Variants in MYOCD observed in about 807,000 individuals in gnomAD.
MYOCD encodes myocardin.
MYOCD carries 32 observed loss-of-function variants against 96.1 expected under a neutral mutation model. That is an observed-to-expected ratio of 0.33 (90% CI 0.25 to 0.45). The LOEUF is 0.45. Among genes scored for constraint, MYOCD ranks in the 20% least tolerant of loss-of-function variants. The pLI is 1.00. For synonymous variants in MYOCD, 469 were observed against 469.0 expected (o/e 1.00, Z 0.00); for missense variants, 1,133 against 1,200.6 (o/e 0.94, Z 0.83).
chr17:12,750,587 G>T lies in MYOCD; in HGVS notation c.1126-1827G>T, dbSNP rs377131953. Among the ~76,000 whole-genome samples the T allele has an allele frequency of 3.6e-3, 550 of 152,218 alleles. 4 individuals carry two copies. The highest frequency in any genetic ancestry group is 0.013 in the African/African-American group (521 of 41,532). ...GCCTGTAATCCCAGCTACTCGGGAGGCTGAGGCGGGAGAATTGCTTGAACC... is the reference window on the plus strand; with the variant it reads ...GCCTGTAATCCCAGCTACTCGGGAGTCTGAGGCGGGAGAATTGCTTGAACC... On this transcript the variant is annotated intron_variant, in intron 9 of 13. Coordinates refer to ENST00000425538, the MANE Select transcript of MYOCD (RefSeq NM_001146312.3).
intron 1 of MYOCD, among the ~76,000 whole-genome samples, chr17:12,683,465 GCTCT>G (rs1005928395): frequency 2.0e-5 from 3 of 151,210 alleles, no homozygotes; most frequent in Admixed American, 6.6e-5. Context: ...GTGCGCGCGC[GCTCT>G]CTCTCTCTCC....
chr17:12,698,066 A>T (rs1010822103), intron 1 of MYOCD, among the ~76,000 whole-genome samples: 59 of 152,168 alleles, frequency 3.9e-4, no homozygotes, highest in African/African-American at 1.4e-3. Flanking sequence ...TGTGGGGAAT[A>T]ATGTGCATAT....
rs2150735378 is a variant in MYOCD at position 12,767,782 on chromosome 17, A to C, written c.*4138A>C. On this transcript the variant is annotated 3_prime_UTR_variant, in exon 14 of 14. Transcript: ENST00000425538. The stretch of plus-strand genomic sequence containing the variant: ...TCCCATCATTTAAAACATCCACGAG[A>C]GTTTGAAGATTTGTGTTGATTGCCA... 1 of 152,290 alleles carries C rather than the reference A, an allele frequency of 6.6e-6. No homozygotes were observed. Among genetic ancestry groups the C allele is most frequent in the South Asian group, 2.1e-4 (1 of 4,822 alleles). The allele number at this position is 152,290 out of a possible 1,614,324, so 9.4% of individuals were successfully genotyped here. A position where few individuals can be genotyped will look rare whatever the true frequency, so the allele number is the denominator to read the frequency against.
At chr17:12,689,036 CTTTG>C (rs984132152) in intron 1 of MYOCD, among the ~76,000 whole-genome samples, 4 of 152,122 alleles carry the variant, frequency 2.6e-5, no homozygotes, top group African/African-American at 9.7e-5. Context: ...AAAAAATAAA[CTTTG>C]TTTTCCTATT....
chr17:12,701,205 A>G (rs2031055574), intron 1 of MYOCD, among the ~76,000 whole-genome samples: 1 of 152,086 alleles, frequency 6.6e-6, no homozygotes, highest in Non-Finnish European at 1.5e-5. Context: ...TGAGGTTAGG[A>G]GTTCTAGACC....
intron 10 of MYOCD, 89 bp from the exon 11 acceptor site, chr17:12,756,325 G>A (rs1158592239): frequency 1.4e-6 from 2 of 1,427,716 alleles, no homozygotes; most frequent in Non-Finnish European, 1.9e-6. Flanking sequence ...GACACCAGGG[G>A]ACACAGGGCA....
chr17:12,697,701 T>C (rs2030845888), intron 1 of MYOCD, among the ~76,000 whole-genome samples: 1 of 152,066 alleles, frequency 6.6e-6, no homozygotes, highest in South Asian at 2.1e-4. Context: ...AGGAATCAGG[T>C]GTTTGCTCAG....
rs569139254 is a variant in MYOCD at position 12,715,359 on chromosome 17, G to A, written c.122-160G>A. 2.4e-4 allele frequency among the ~76,000 whole-genome samples: 36 copies of A among 152,146 alleles called. No individual in the cohort carries two copies. The South Asian group carries it at 3.7e-3, about 16-fold the overall frequency. Reference sequence around the variant, plus strand: ...CTCTGTCTCCTACGGCTTCAGGGCCGCTGGTGTCCTCCAGGCCTGTCCTCT... The same window carrying A: ...CTCTGTCTCCTACGGCTTCAGGGCCACTGGTGTCCTCCAGGCCTGTCCTCT... On this transcript the variant is annotated intron_variant, in intron 2 of 13. Transcript: ENST00000425538.
At chr17:12,742,626 A>G (rs945250593) in intron 7 of MYOCD, among the ~76,000 whole-genome samples, 1 of 151,122 alleles carries the variant, frequency 6.6e-6, no homozygotes, top group Non-Finnish European at 1.5e-5. Context: ...GCTGGAGTGT[A>G]GTGGCGCAAT....
chr17:12,700,268 A>G lies in MYOCD; in HGVS notation c.56-4860A>G, dbSNP rs181529262. Among the ~76,000 whole-genome samples, 13 of 152,072 alleles carry G rather than the reference A, an allele frequency of 8.5e-5. No homozygotes were observed. In the East Asian group the frequency reaches 1.2e-3, roughly 14 times the overall value. Reference sequence around the variant, plus strand: ...CAAACTCTTCTAATTCTTTTTGTTCAAAGTGTTTTTAATATTTTCGTCTTT... The same window carrying G: ...CAAACTCTTCTAATTCTTTTTGTTCGAAGTGTTTTTAATATTTTCGTCTTT... On this transcript the variant is annotated intron_variant, in intron 1 of 13. Transcript: ENST00000425538.
chr17:12,735,594 C>A (rs1337325637), intron 5 of MYOCD, among the ~76,000 whole-genome samples: 1 of 152,166 alleles, frequency 6.6e-6, no homozygotes, highest in Non-Finnish European at 1.5e-5. Context: ...CGTTGAATGG[C>A]TCTTTGGGAT....
At chr17:12,720,847 C>T (rs965308187) in intron 4 of MYOCD, among the ~76,000 whole-genome samples, 2 of 151,826 alleles carry the variant, frequency 1.3e-5, no homozygotes, top group East Asian at 3.9e-4. Context: ...ACAGTGAAAC[C>T]CCATCTCTAC....
At chr17:12,749,718 T>TACATATATGTATATATAC (rs61651425) in intron 9 of MYOCD, among the ~76,000 whole-genome samples, 2 of 138,324 alleles carry the variant, frequency 1.4e-5, no homozygotes, top group African/African-American at 5.5e-5. Context: ...TGTATATATA[T>TACATATATGTATATATAC]GTGTGTGTGT....
intron 9 of MYOCD, among the ~76,000 whole-genome samples, chr17:12,749,831 TG>T (rs199754821): frequency 0.016 from 2,447 of 151,764 alleles, 65 homozygotes; most frequent in African/African-American, 0.055. Flanking sequence ...ATATTAATAT[TG>T]TTTAAAGTTT....
At chr17:12,743,990 T>A (rs1395258925) in intron 7 of MYOCD, among the ~76,000 whole-genome samples, 193 bp from the exon 8 acceptor site, 1 of 152,246 alleles carries the variant, frequency 6.6e-6, no homozygotes, top group Non-Finnish European at 1.5e-5. Flanking sequence ...TCCAGTGTGA[T>A]ACATTTGCAA....
intron 1 of MYOCD, among the ~76,000 whole-genome samples, chr17:12,675,672 CAG>C (rs1051115984): frequency 5.8e-4 from 88 of 152,308 alleles, no homozygotes; most frequent in African/African-American, 1.9e-3. Context: ...TCCTGGCTAA[CAG>C]GGTGAAAACC....
intron 2 of MYOCD, among the ~76,000 whole-genome samples, chr17:12,706,504 G>A (rs1264957530): frequency 1.3e-5 from 2 of 152,230 alleles, no homozygotes; most frequent in African/African-American, 4.8e-5. Context: ...GGCAAGTGGA[G>A]CAAATGGACC....
intron 1 of MYOCD, among the ~76,000 whole-genome samples, chr17:12,683,439 T>C (rs1013061802): frequency 6.6e-6 from 1 of 152,202 alleles, no homozygotes; most frequent in Non-Finnish European, 1.5e-5. Flanking sequence ...TCTGTCTTCC[T>C]CTGTCGCTTT....
At position 12,745,411 on chromosome 17, in the gene MYOCD, G is replaced by A. The variant is rs371900487; in HGVS notation, c.972-508G>A. The stretch of plus-strand genomic sequence containing the variant: ...TTTAGTAGAGACAGGGTCTCTCCAC[G>A]TTGGTCAGGCTGGTCTCAAACTCCC... On this transcript the variant is annotated intron_variant, in intron 8 of 13. Transcript: ENST00000425538. Among the ~76,000 whole-genome samples the A allele has an allele frequency of 4.9e-4, 75 of 152,116 alleles. No homozygotes were observed. The East Asian group carries it at 8.2e-3, about 17-fold the overall frequency.
Sources: allele counts gnomAD v4.1 joint callset (sites outside exome capture counted in the v4.1 genomes callset), GRCh38; gene constraint gnomAD v4.1.1; transcripts MANE v1.5; gene names NCBI Gene and HGNC (gene_info 2026-07-23, HGNC 2026-07-21).